FAM171A1: variants seen among roughly 807,000 people sequenced by gnomAD.
The protein encoded by FAM171A1 is protein FAM171A1.
In FAM171A1, 23 loss-of-function variants were observed where a neutral mutation model predicts 74.9. The observed-to-expected ratio is 0.31, with a 90% CI of 0.22 to 0.44. The LOEUF is 0.44. FAM171A1 is among the 20% of genes least tolerant of loss of function. FAM171A1 has a pLI of 1.00. For missense variants in FAM171A1, 1,162 were observed against 1,159.2 expected (o/e 1.00, Z -0.03); for synonymous variants, 527 against 505.7 (o/e 1.04, Z -0.57).
In FAM171A1 at chr10:15,213,563, G is replaced by C. The variant is rs763867540; in HGVS notation, c.2025C>G (p.Asp675Glu). Residue 675 changes from aspartate (D) to glutamate (E), a missense_variant, in exon 8 of 8, where the codon GAC becomes GAG. Asp to Glu is a conservative substitution (Grantham distance 45). Coordinates refer to ENST00000378116, the MANE Select transcript of FAM171A1 (RefSeq NM_001010924.2). This position sits in a 1 kb window ranked among gnomAD's most constrained non-coding sequence, Gnocchi z 6.8. The part of the protein sequence containing the change: ...ESLSIPASLN[D>E]AALAQMNSEV... ...CACTGTTCATCTGAGCCAAAGCCGC[G>C]TCGTTCAGGGAAGCTGGGATGGAGA... is the stretch of plus-strand genomic sequence containing the variant. 6 of 1,614,162 alleles carry C rather than the reference G, an allele frequency of 3.7e-6. No individual in the cohort carries two copies. Among genetic ancestry groups the C allele is most frequent in the South Asian group, 3.3e-5 (3 of 91,086 alleles).
chr10:15,267,108 T>A (rs1834754320), intron 3 of FAM171A1, among the ~76,000 whole-genome samples: 2 of 152,168 alleles, frequency 1.3e-5, no homozygotes, highest in South Asian at 4.1e-4. Context: ...CAATCCTAAG[T>A]CAAAGGCTAA....
intron 1 of FAM171A1, among the ~76,000 whole-genome samples, chr10:15,365,915 C>G (rs1042613476): frequency 2.0e-5 from 3 of 152,126 alleles, no homozygotes; most frequent in African/African-American, 7.2e-5. Flanking sequence ...CTTACATATG[C>G]TGACTCAGCT....
At chr10:15,330,887 T>C (rs1021522565) in intron 1 of FAM171A1, among the ~76,000 whole-genome samples, 1 of 149,816 alleles carries the variant, frequency 6.7e-6, no homozygotes, top group Non-Finnish European at 1.5e-5. Flanking sequence ...CTGGCTAATT[T>C]TTTATTTTAT....
At chr10:15,243,278 A>C in intron 5 of FAM171A1, among the ~76,000 whole-genome samples, 1 of 152,136 alleles carries the variant, frequency 6.6e-6, no homozygotes, top group Non-Finnish European at 1.5e-5. Flanking sequence ...CCTGCTCATA[A>C]GGGCCCTTGT....
chr10:15,258,790 G>A (rs144066197), intron 3 of FAM171A1, among the ~76,000 whole-genome samples: 1 of 152,276 alleles, frequency 6.6e-6, no homozygotes, highest in African/African-American at 2.4e-5. Flanking sequence ...GTTCTCTCCA[G>A]TGTCTGCCTG....
intron 5 of FAM171A1, among the ~76,000 whole-genome samples, chr10:15,225,731 G>A (rs906732346): frequency 1.3e-5 from 2 of 152,136 alleles, no homozygotes; most frequent in African/African-American, 4.8e-5. Context: ...TTCATCATGC[G>A]GTGAGAGCCT....
intron 1 of FAM171A1, among the ~76,000 whole-genome samples, chr10:15,330,055 G>C (rs1835609068): frequency 6.6e-6 from 1 of 152,062 alleles, no homozygotes; most frequent in South Asian, 2.1e-4. Flanking sequence ...CATTTTCCCT[G>C]TGAGGGCTGG....
At chr10:15,244,506 G>A (rs1347349740) in intron 5 of FAM171A1, among the ~76,000 whole-genome samples, 1 of 152,202 alleles carries the variant, frequency 6.6e-6, no homozygotes, top group Non-Finnish European at 1.5e-5. Flanking sequence ...GTGACAGAGG[G>A]AGACCCTGTC....
intron 1 of FAM171A1, among the ~76,000 whole-genome samples, chr10:15,322,220 T>G (rs773452321): frequency 4.6e-5 from 7 of 152,146 alleles, no homozygotes; most frequent in Non-Finnish European, 1.0e-4. Flanking sequence ...ATGCGTTGCT[T>G]TCTTTGACAG....
In FAM171A1 at chr10:15,308,556, C is replaced by T. The variant is rs201956282; in HGVS notation, c.98-24451G>A. 4.6e-5 allele frequency among the ~76,000 whole-genome samples: 7 copies of T among 152,026 alleles called. No individual in the cohort carries two copies. The East Asian group carries it at 5.8e-4, about 13-fold the overall frequency. ...TTGGCTTACTGAAACCTCCGCCTAC[C>T]GGGTTCAAACAATTCTCCTGCCTCA... On this transcript the variant is annotated intron_variant, in intron 1 of 7. Transcript: ENST00000378116.
chr10:15,243,739 C>T (rs1834392210), intron 5 of FAM171A1, among the ~76,000 whole-genome samples: 1 of 152,076 alleles, frequency 6.6e-6, no homozygotes, highest in Non-Finnish European at 1.5e-5. Context: ...AAACATCATC[C>T]TTTTATAACG....
intron 3 of FAM171A1, among the ~76,000 whole-genome samples, chr10:15,260,417 A>G (rs575775021): frequency 6.6e-6 from 1 of 152,302 alleles, no homozygotes; most frequent in Admixed American, 6.5e-5. Flanking sequence ...TAGTTGAGTG[A>G]TTTGGGCTTC....
intron 1 of FAM171A1, among the ~76,000 whole-genome samples, chr10:15,308,392 C>A (rs1835321803): frequency 6.6e-6 from 1 of 152,222 alleles, no homozygotes; most frequent in South Asian, 2.1e-4. Context: ...TCTGCTAACA[C>A]TGAGTTTTCA....
chr10:15,331,891 A>ATG (rs1835642534), intron 1 of FAM171A1, among the ~76,000 whole-genome samples: 1 of 140,516 alleles, frequency 7.1e-6, no homozygotes. Flanking sequence ...ATATATATAT[A>ATG]TATATGAAAC....
intron 1 of FAM171A1, among the ~76,000 whole-genome samples, chr10:15,368,901 G>T (rs2131896585): frequency 6.6e-6 from 1 of 152,312 alleles, no homozygotes; most frequent in East Asian, 1.9e-4. Flanking sequence ...AATGCTGCTA[G>T]CTCAAAATCC....
intron 3 of FAM171A1, among the ~76,000 whole-genome samples, chr10:15,263,661 G>A (rs929780558): frequency 6.6e-6 from 1 of 152,008 alleles, no homozygotes; most frequent in Admixed American, 6.6e-5. Flanking sequence ...AGACAGTCCT[G>A]GCTGGCTGCT....
chr10:15,214,747 C>T, intron 7 of FAM171A1, 146 bp from the exon 8 acceptor site: 2 of 1,089,238 alleles, frequency 1.8e-6, no homozygotes, highest in Admixed American at 3.3e-5. Context: ...CCTTCTCACC[C>T]CACGCCCTGT....
intron 1 of FAM171A1, among the ~76,000 whole-genome samples, chr10:15,289,276 ACT>A (rs1477370835): frequency 1.3e-5 from 2 of 151,872 alleles, no homozygotes; most frequent in African/African-American, 4.8e-5. Flanking sequence ...TTACTACATG[ACT>A]CTCATTTATA....
intron 5 of FAM171A1, among the ~76,000 whole-genome samples, chr10:15,226,488 G>A (rs1186294070): frequency 1.3e-5 from 2 of 152,150 alleles, no homozygotes; most frequent in East Asian, 3.8e-4. Flanking sequence ...CCCTGCATGA[G>A]GGCAAAGAGA....
Sources: gnomAD v4.1 joint callset for allele counts (sites outside exome capture counted in the v4.1 genomes callset) on GRCh38, gnomAD v4.1.1 for gene constraint, Gnocchi (gnomAD v3.1) non-coding constraint, MANE v1.5 for transcripts, NCBI Gene and HGNC (gene_info 2026-07-23, HGNC 2026-07-21) for gene names.